The following GLMP variants were observed in gnomAD, a reference collection of about 807,000 sequenced individuals.
GLMP encodes kidney lysosomal membrane protein.
A neutral mutation model predicts 39.2 loss-of-function variants in GLMP; 36 were observed. That is an observed-to-expected ratio of 0.92 (90% CI 0.70 to 1.21). The LOEUF (loss-of-function observed/expected upper bound fraction) is 1.21. Ranked by LOEUF, GLMP falls within the 50% of genes most tolerant of loss-of-function variation. The probability of loss-of-function intolerance (pLI) is 0.00; values close to 1 mark genes in which losing one functional copy is unlikely to be tolerated. For missense variants in GLMP, 454 were observed against 505.6 expected, an observed-to-expected ratio of 0.90 and a Z score of 0.98; for synonymous variants, 220 against 218.9, an observed-to-expected ratio of 1.01 and a Z score of -0.04.
rs750184445 is a variant in GLMP at position 156,293,172 on chromosome 1, C to T, written c.1093G>A (p.Gly365Ser). 38 of 1,613,724 alleles carry T rather than the reference C, an allele frequency of 2.4e-5. No homozygotes were observed. In the East Asian group the frequency reaches 3.3e-4, roughly 14 times the overall value. ...ATGCCCAGGACTAGTGGGGACAAGC[C>T]GTCCACTGGAGGGAAGCCCACACCC... ...LLGVGFPPVDGLSPLVLGIMA... is the reference protein window; with the variant it reads ...LLGVGFPPVDSLSPLVLGIMA... The change falls in exon 6 of 6, where the codon GGC becomes AGC. Residue 365 changes from glycine (G) to serine (S), a missense_variant. Physicochemically the swap from Gly to Ser is moderately conservative, Grantham distance 56 (BLOSUM62 0). Coordinates refer to ENST00000362007, the MANE Select transcript of GLMP (RefSeq NM_144580.3).
chr1:156,294,566 C>A lies in GLMP; in HGVS notation c.379-1G>T. 6.2e-7 allele frequency: 1 copy of A among 1,614,010 alleles called. No homozygotes were observed. Among genetic ancestry groups the A allele is most frequent in the Non-Finnish European group, 8.5e-7 (1 of 1,180,000 alleles). On this transcript the variant is annotated splice_acceptor_variant, in intron 2 of 5. Transcript: ENST00000362007. LOFTEE classifies it high-confidence loss of function. The stretch of plus-strand genomic sequence containing the variant: ...CGTTGGTGCTGTCAAACTCAAGCAG[C>A]TGGAGGGTGGGGGTAGGGTGGAACT...
intron 4 of GLMP, 49 bp from the exon 5 acceptor site, chr1:156,293,625 C>A: frequency 6.2e-7 from 1 of 1,609,444 alleles, no homozygotes; most frequent in South Asian, 1.1e-5. Context: ...AACCTGTGCC[C>A]GACCCTCTTT....
At chr1:156,295,178 T>TAAGGGGCAGTGGGGACAGGATGAA in intron 1 of GLMP, 162 bp from the exon 2 acceptor site, 1 of 965,844 alleles carries the variant, frequency 1.0e-6, no homozygotes, top group Non-Finnish European at 1.4e-6. Context: ...AACCCTGGGG[T>TAAGGGGCAGTGGGGACAGGATGAA]AAGGGGCAGT....
chr1:156,294,034 G>C lies in GLMP; in HGVS notation c.782C>G (p.Ala261Gly). ...AAGCCTGACCTGGAAGACGGCCGGT[G>C]CATATTCATCGTCGATGGAGTGCTG... Reference protein sequence around the residue: ...QEQHSIDDEYAPAVFQLDQLL... With the variant: ...QEQHSIDDEYGPAVFQLDQLL... The change falls in exon 4 of 6, where the codon GCA (alanine) becomes GGA (glycine). Residue 261 changes from alanine (A) to glycine (G), a missense_variant. Physicochemically the swap from Ala to Gly is moderately conservative, Grantham distance 60 (BLOSUM62 0). Transcript: ENST00000362007. The C allele has an allele frequency of 6.2e-7, 1 of 1,613,498 alleles. No individual in the cohort carries two copies. Among genetic ancestry groups the C allele is most frequent in the South Asian group, 1.1e-5 (1 of 91,036 alleles).
intron 5 of GLMP, 49 bp from the exon 6 acceptor site, chr1:156,293,258 G>C: frequency 1.9e-6 from 3 of 1,610,718 alleles, no homozygotes; most frequent in Non-Finnish European, 2.5e-6. Flanking sequence ...AGGAAAGGCT[G>C]GGAGGCTCAG....
In GLMP at chr1:156,294,996, A is replaced by G; in HGVS notation, c.141T>C (p.Pro47=). The G allele has an allele frequency of 1.9e-6, 3 of 1,577,804 alleles. No homozygotes were observed. Among genetic ancestry groups the G allele is most frequent in the Non-Finnish European group, 2.6e-6 (3 of 1,157,236 alleles). The change falls in exon 2 of 6, where the codon CCT becomes CCC. Residue 47 remains proline, a synonymous_variant. Coordinates refer to ENST00000362007, the MANE Select transcript of GLMP (RefSeq NM_144580.3). ...GGTTCTGCAGGGGGCCCAGCCAGTTAGGGATGACCTCCAGAGACACCTGGA... is the reference window on the plus strand; with the variant it reads ...GGTTCTGCAGGGGGCCCAGCCAGTTGGGGATGACCTCCAGAGACACCTGGA... ...KTRQVSLEVI[P]NWLGPLQNLL...
At chr1:156,295,332 A>C in intron 1 of GLMP, 194 bp downstream of exon 1, 1 of 1,370,488 alleles carries the variant, frequency 7.3e-7, no homozygotes, top group Non-Finnish European at 9.4e-7. Flanking sequence ...GTCGGGGTCC[A>C]GACATCACCC....
At position 156,293,394 on chromosome 1, in the gene GLMP, A is replaced by C. The variant is rs1435520141; in HGVS notation, c.981T>G (p.Asn327Lys). Reference sequence around the variant, plus strand: ...ACGTCAGATTGAAGGCACAGAAGTTATTCTGGGACCCAAAGAAGGCTCGGA... The same window carrying C: ...ACGTCAGATTGAAGGCACAGAAGTTCTTCTGGGACCCAAAGAAGGCTCGGA... ...PIVRAFFGSQ[N>K]NFCAFNLTFG... The change falls in exon 5 of 6, where the codon AAT (asparagine) becomes AAG (lysine). Residue 327 changes from asparagine to lysine, a missense_variant. Coordinates refer to ENST00000362007, the MANE Select transcript of GLMP (RefSeq NM_144580.3). The C allele has an allele frequency of 1.2e-6, 2 of 1,614,214 alleles. No homozygotes were observed. The highest frequency in any genetic ancestry group is 1.7e-6 in the Non-Finnish European group (2 of 1,180,038).
chr1:156,294,117 CAG>C lies in GLMP; in HGVS notation c.697_698del (p.Leu233ValfsTer13), dbSNP rs775123531. 74 of 1,614,108 alleles carry C rather than the reference CAG, an allele frequency of 4.6e-5. No homozygotes were observed. The highest frequency in any genetic ancestry group is 6.1e-5 in the Non-Finnish European group (72 of 1,180,040). On this transcript the variant is annotated frameshift_variant, in exon 4 of 6. Coordinates refer to ENST00000362007, the MANE Select transcript of GLMP (RefSeq NM_144580.3). LOFTEE classifies it high-confidence loss of function. ...CCAATGTGGCTACCTCCAGCCCAAACAGGGAACGGTTTCCCCGGGGAGAGGCT... is the reference window on the plus strand; with the variant it reads ...CCAATGTGGCTACCTCCAGCCCAAACGGAACGGTTTCCCCGGGGAGAGGCT... ...IGASPRGNRSLFGLEVATLGQ... is the reference protein window; with the variant it reads ...IGASPRGNRSXFGLEVATLGQ...
chr1:156,295,065 C>A, intron 1 of GLMP, 49 bp from the exon 2 acceptor site: 1 of 1,377,472 alleles, frequency 7.3e-7, no homozygotes, highest in South Asian at 1.5e-5. Context: ...CAAGGAGAGA[C>A]ACAGGCAAAA....
At position 156,294,557 on chromosome 1, in the gene GLMP, C is replaced by G; in HGVS notation, c.387G>C (p.Glu129Asp). ...TATCGGACACGTTGGTGCTGTCAAA[C>G]TCAAGCAGCTGGAGGGTGGGGGTAG... Reference protein sequence around the residue: ...SSALVFTRLLEFDSTNVSDTA... With the variant: ...SSALVFTRLLDFDSTNVSDTA... The change falls in exon 3 of 6, where the codon GAG becomes GAC. Residue 129 changes from glutamate (E) to aspartate (D), a missense_variant. Physicochemically the swap from Glu to Asp is conservative, Grantham distance 45 (BLOSUM62 2). Transcript: ENST00000362007. 1.2e-6 allele frequency: 2 copies of G among 1,614,068 alleles called. 1 individual carries two copies. The highest frequency in any genetic ancestry group is 2.2e-5 in the South Asian group (2 of 91,072).
rs893769473 is a variant in GLMP, at chr1:156,293,909, AC to A, written c.798+108del. On this transcript the variant is annotated intron_variant, in intron 4 of 5. Coordinates refer to ENST00000362007, the MANE Select transcript of GLMP (RefSeq NM_144580.3). ...CATTAGCACAGTGCCTAGCTCTTAA[AC>A]GACCCAAAGAAAGTGTTGCTAAATG... The A allele has an allele frequency of 1.2e-5, 17 of 1,374,994 alleles. No homozygotes were observed. In the African/African-American group the frequency reaches 1.7e-4, roughly 14 times the overall value. The allele number at this position is 1,374,994 out of a possible 1,614,324, so 85.2% of individuals were successfully genotyped here.
rs1663495010 is a variant in GLMP at position 156,294,159 on chromosome 1, C to T, written c.657G>A (p.Glu219=). Residue 219 remains glutamate, a synonymous_variant, in exon 4 of 6, where the codon GAG becomes GAA. Coordinates refer to ENST00000362007, the MANE Select transcript of GLMP (RefSeq NM_144580.3). The part of the protein sequence containing the change: ...LLHTADTCQL[E]VALIGASPRG... ...GGGGAGAGGCTCCAATCAGGGCCAC[C>T]TCTAGCTGACAGGTGTCTGCTGTGT... 1.2e-6 allele frequency: 2 copies of T among 1,614,108 alleles called. No homozygotes were observed. The highest frequency in any genetic ancestry group is 1.1e-5 in the South Asian group (1 of 91,082).
intron 2 of GLMP, 82 bp downstream of exon 2, chr1:156,294,677 C>G: frequency 6.4e-7 from 1 of 1,571,300 alleles, no homozygotes; most frequent in Non-Finnish European, 8.6e-7. Flanking sequence ...TTCACCCACC[C>G]CCAGTCTTTA....
chr1:156,294,159 C>A lies in GLMP; in HGVS notation c.657G>T (p.Glu219Asp). 1 of 1,614,108 alleles carries A rather than the reference C, an allele frequency of 6.2e-7. No individual in the cohort carries two copies. The highest frequency in any genetic ancestry group is 8.5e-7 in the Non-Finnish European group (1 of 1,179,934). Residue 219 changes from glutamate (E) to aspartate (D), a missense_variant, in exon 4 of 6, where the codon GAG becomes GAT. By Grantham distance (45) the Glu-to-Asp change is conservative. Coordinates refer to ENST00000362007, the MANE Select transcript of GLMP (RefSeq NM_144580.3). Reference protein sequence around the residue: ...LLHTADTCQLEVALIGASPRG... With the variant: ...LLHTADTCQLDVALIGASPRG... ...GGGGAGAGGCTCCAATCAGGGCCACCTCTAGCTGACAGGTGTCTGCTGTGT... is the reference window on the plus strand; with the variant it reads ...GGGGAGAGGCTCCAATCAGGGCCACATCTAGCTGACAGGTGTCTGCTGTGT...
chr1:156,293,219 G>A lies in GLMP; in HGVS notation c.1056-10C>T. 6.2e-7 allele frequency: 1 copy of A among 1,611,914 alleles called. No individual in the cohort carries two copies. The highest frequency in any genetic ancestry group is 2.2e-5 in the East Asian group (1 of 44,794). On this transcript the variant is annotated splice_polypyrimidine_tract_variant and intron_variant, in intron 5 of 5. Transcript: ENST00000362007. ...ACCCAGGAGCATCGACCTAGAGCAA[G>A]CAGAGAGAGAGAGGTAAGCGGGCTT...
chr1:156,293,284 A>G (rs766022796), intron 5 of GLMP, 36 bp downstream of exon 5: 21 of 1,612,572 alleles, frequency 1.3e-5, no homozygotes, highest in East Asian at 2.2e-5. Flanking sequence ...GTCCACTTCA[A>G]CTCCCCAAGT....
rs1224365099 is a variant in GLMP, at chr1:156,293,557, C to T, written c.818G>A (p.Gly273Asp). 1.9e-6 allele frequency: 3 copies of T among 1,614,048 alleles called. No homozygotes were observed. The highest frequency in any genetic ancestry group is 2.5e-6 in the Non-Finnish European group (3 of 1,180,018). ...CTGTGCAAAGCCTGATGGGAGGGAG[C>T]CCCACAGTAGCTGGTCCAACTGGGA... is the stretch of plus-strand genomic sequence containing the variant. Reference protein sequence around the residue: ...AVFQLDQLLWGSLPSGFAQWR... With the variant: ...AVFQLDQLLWDSLPSGFAQWR... The change falls in exon 5 of 6, where the codon GGC (glycine) becomes GAC (aspartate). Residue 273 changes from glycine (G) to aspartate (D), a missense_variant. Physicochemically the swap from Gly to Asp is moderately conservative, Grantham distance 94. Transcript: ENST00000362007.
Position 156,292,981 on chromosome 1 carries a change from C to G in GLMP, c.*63G>C. ...GCCGGCTGGAACTTGATGCTCCAACCTCCAGAGTTTCGAGGCACAGCAAGA... is the reference window on the plus strand; with the variant it reads ...GCCGGCTGGAACTTGATGCTCCAACGTCCAGAGTTTCGAGGCACAGCAAGA... On this transcript the variant is annotated 3_prime_UTR_variant, in exon 6 of 6. Coordinates refer to ENST00000362007, the MANE Select transcript of GLMP (RefSeq NM_144580.3). The G allele has an allele frequency of 6.4e-7, 1 of 1,562,754 alleles. No homozygotes were observed. Among genetic ancestry groups the G allele is most frequent in the Non-Finnish European group, 8.7e-7 (1 of 1,149,746 alleles).
Sources: allele counts gnomAD v4.1 joint callset, GRCh38; gene constraint gnomAD v4.1.1; transcripts MANE v1.5; gene names NCBI Gene and HGNC (gene_info 2026-07-23, HGNC 2026-07-21).